Variants in ASCC3 observed in about 807,000 individuals in gnomAD.
ASCC3 encodes ASC-1 complex subunit P200.
In ASCC3, 158 loss-of-function variants were observed where a neutral mutation model predicts 256.3. The ratio of observed to expected loss-of-function variants is 0.62; its 90% CI spans 0.54 to 0.70. The LOEUF is 0.70. ASCC3 is among the 30% of genes least tolerant of loss of function. The pLI is 0.00. For missense variants in ASCC3, 2,259 were observed against 2,626.0 expected (o/e 0.86, Z 3.05); for synonymous variants, 948 against 883.4 (o/e 1.07, Z -1.30).
At chr6:100,552,221 A>G (rs890177294) in intron 36 of ASCC3, among the ~76,000 whole-genome samples, 2 of 151,876 alleles carry the variant, frequency 1.3e-5, no homozygotes, top group Admixed American at 6.6e-5. Flanking sequence ...TTTAAGAGTT[A>G]ATTGAATTTT....
chr6:100,517,785 T>A (rs1241523488), intron 38 of ASCC3, among the ~76,000 whole-genome samples: 2 of 152,142 alleles, frequency 1.3e-5, no homozygotes, highest in Non-Finnish European at 2.9e-5. Flanking sequence ...AGGAGAAGTT[T>A]AAACTGTAGT....
chr6:100,755,555 C>G (rs886717464), intron 10 of ASCC3, among the ~76,000 whole-genome samples: 4 of 151,940 alleles, frequency 2.6e-5, no homozygotes, highest in African/African-American at 9.7e-5. Flanking sequence ...AATTAGGAAT[C>G]ACTCTTAAAG....
intron 13 of ASCC3, among the ~76,000 whole-genome samples, chr6:100,710,645 T>G (rs1274242817): frequency 6.6e-6 from 1 of 152,122 alleles, no homozygotes; most frequent in African/African-American, 2.4e-5. Context: ...TAGTCCCTAC[T>G]ACAGTGAGGG....
chr6:100,873,851 G>T (rs529211591), intron 1 of ASCC3, among the ~76,000 whole-genome samples: 1 of 152,138 alleles, frequency 6.6e-6, no homozygotes, highest in Non-Finnish European at 1.5e-5. Flanking sequence ...TACCAAGCCA[G>T]CACTACAAAA....
At chr6:100,736,300 C>T (rs1455876134) in intron 10 of ASCC3, among the ~76,000 whole-genome samples, 3 of 152,074 alleles carry the variant, frequency 2.0e-5, no homozygotes, top group African/African-American at 7.2e-5. Context: ...GTCAGGAGAT[C>T]GAGACCATCC....
chr6:100,568,848 G>T (rs1268419199), intron 36 of ASCC3, among the ~76,000 whole-genome samples: 1 of 151,134 alleles, frequency 6.6e-6, no homozygotes, highest in African/African-American at 2.4e-5. Flanking sequence ...CGCAATCTCA[G>T]CTCACTGCAA....
At chr6:100,550,687 ATGTTAGAATTTCAACTC>A (rs1163463611) in intron 36 of ASCC3, among the ~76,000 whole-genome samples, 87 of 151,912 alleles carry the variant, frequency 5.7e-4, no homozygotes, top group Admixed American at 5.9e-4. Flanking sequence ...GTATTTCCCT[ATGTTAGAATTTCAACTC>A]TGTTAGAATT....
intron 36 of ASCC3, among the ~76,000 whole-genome samples, chr6:100,552,589 A>G (rs1769353132): frequency 6.6e-6 from 1 of 152,048 alleles, no homozygotes; most frequent in African/African-American, 2.4e-5. Context: ...TTTCTTTTAA[A>G]TCCACATTAA....
intron 4 of ASCC3, among the ~76,000 whole-genome samples, chr6:100,835,885 A>C (rs1189783181): frequency 2.0e-5 from 3 of 152,104 alleles, no homozygotes; most frequent in African/African-American, 7.2e-5. Flanking sequence ...CACCAGTACA[A>C]AATATCTTTC....
intron 11 of ASCC3, among the ~76,000 whole-genome samples, chr6:100,723,951 T>C (rs1344975610): frequency 7.1e-6 from 1 of 140,402 alleles, no homozygotes; most frequent in Non-Finnish European, 1.5e-5. Context: ...CACACACACA[T>C]GCATATACAT....
chr6:100,729,630 T>C (rs6570925), intron 10 of ASCC3, among the ~76,000 whole-genome samples: 3,103 of 152,280 alleles, frequency 0.02, 102 homozygotes, highest in African/African-American at 0.072. Flanking sequence ...TTATATCTGA[T>C]GGGAAGTTAT....
In ASCC3 at chr6:100,638,650, G is replaced by A. The variant is rs1415575642; in HGVS notation, c.4073C>T (p.Ala1358Val). The A allele has an allele frequency of 1.2e-6, 2 of 1,613,886 alleles. No homozygotes were observed. The highest frequency in any genetic ancestry group is 1.7e-6 in the Non-Finnish European group (2 of 1,179,822). ...GACTCTGAAAATGGCTAATTCAGCT[G>A]CAACAGTCTTTCCCGATCCAGTAGG... Reference protein sequence around the residue: ...GAPTGSGKTVAAELAIFRVFN... With the variant: ...GAPTGSGKTVVAELAIFRVFN... Residue 1358 changes from alanine (A) to valine (V), a missense_variant, in exon 25 of 42, where the codon GCA (alanine) becomes GTA (valine). Ala to Val is a moderately conservative substitution (Grantham distance 64, BLOSUM62 0). Transcript: ENST00000369162.
chr6:100,633,949 C>T (rs1257069140), intron 25 of ASCC3, among the ~76,000 whole-genome samples: 1 of 151,512 alleles, frequency 6.6e-6, no homozygotes, highest in Non-Finnish European at 1.5e-5. Context: ...ATTATGGCCA[C>T]AGTACACGAT....
intron 8 of ASCC3, among the ~76,000 whole-genome samples, chr6:100,797,155 A>G (rs1253312284): frequency 6.6e-6 from 1 of 152,182 alleles, no homozygotes; most frequent in African/African-American, 2.4e-5. Flanking sequence ...TTTTTTAAAA[A>G]TGTAAAGATT....
chr6:100,792,266 G>A (rs1195580627), intron 8 of ASCC3, among the ~76,000 whole-genome samples: 1 of 151,756 alleles, frequency 6.6e-6, no homozygotes, highest in Non-Finnish European at 1.5e-5. Context: ...TGCTAATTGG[G>A]TATATTTCGT....
intron 25 of ASCC3, among the ~76,000 whole-genome samples, chr6:100,635,156 C>A (rs368018222): frequency 6.6e-6 from 1 of 151,584 alleles, no homozygotes; most frequent in Non-Finnish European, 1.5e-5. Context: ...AATCTAAGTG[C>A]CTCAAGATAG....
chr6:100,640,545 G>C (rs1775073303), intron 24 of ASCC3, among the ~76,000 whole-genome samples: 1 of 152,118 alleles, frequency 6.6e-6, no homozygotes, highest in African/African-American at 2.4e-5. Flanking sequence ...CGCAAGTTAA[G>C]ATCAAGTGCT....
At chr6:100,663,659 A>C (rs537798276) in intron 14 of ASCC3, among the ~76,000 whole-genome samples, 4 of 152,238 alleles carry the variant, frequency 2.6e-5, no homozygotes, top group Admixed American at 1.3e-4. Context: ...AATAAAAACG[A>C]AATTGTATGC....
At chr6:100,582,177 A>C (rs1771319811) in intron 36 of ASCC3, among the ~76,000 whole-genome samples, 1 of 152,064 alleles carries the variant, frequency 6.6e-6, no homozygotes, top group Admixed American at 6.6e-5. Flanking sequence ...TACCTTGGGC[A>C]GTATGGCCAT....
Sources: allele counts gnomAD v4.1 joint callset (sites outside exome capture counted in the v4.1 genomes callset), GRCh38; gene constraint gnomAD v4.1.1; transcripts MANE v1.5; gene names NCBI Gene and HGNC (gene_info 2026-07-23, HGNC 2026-07-21).